EIF4H: variants seen among roughly 807,000 people sequenced by gnomAD.
EIF4H encodes eukaryotic translation initiation factor 4H.
EIF4H carries 8 observed loss-of-function variants against 30.6 expected under a neutral mutation model. The ratio of observed to expected loss-of-function variants is 0.26; its 90% confidence interval spans 0.15 to 0.47. The LOEUF (loss-of-function observed/expected upper bound fraction) is 0.47, where lower values mean the gene tolerates loss of function less well. EIF4H is among the 20% of genes least tolerant of loss of function. EIF4H has a pLI of 0.99. For missense variants in EIF4H, 188 were observed against 339.5 expected (o/e 0.55, Z 3.51); for synonymous variants, 106 against 122.7 (o/e 0.86, Z 0.90).
chr7:74,175,329 A>C lies in EIF4H; in HGVS notation c.59+887A>C, dbSNP rs546173986. On this transcript the variant is annotated intron_variant, in intron 1 of 6. Coordinates refer to ENST00000265753, the MANE Select transcript of EIF4H (RefSeq NM_022170.2). ...CCTCGTTAGAATATAGGCTATGAACATCTTGCTGTTTGTCAAGGACACACT... is the reference window on the plus strand; with the variant it reads ...CCTCGTTAGAATATAGGCTATGAACCTCTTGCTGTTTGTCAAGGACACACT... 5.9e-5 allele frequency among the ~76,000 whole-genome samples: 9 copies of C among 152,282 alleles called. No individual in the cohort carries two copies. The South Asian group carries it at 6.2e-4, about 11-fold the overall frequency.
chr7:74,180,926 A>G (rs1349948830), intron 1 of EIF4H, among the ~76,000 whole-genome samples: 2 of 152,162 alleles, frequency 1.3e-5, no homozygotes, highest in African/African-American at 4.8e-5. Context: ...TTTAATAGAG[A>G]CAGGGTCTCC....
At chr7:74,175,729 T>G (rs1268799823) in intron 1 of EIF4H, among the ~76,000 whole-genome samples, 1 of 152,072 alleles carries the variant, frequency 6.6e-6, no homozygotes, top group African/African-American at 2.4e-5. Flanking sequence ...ACTAGGGTTT[T>G]TTTTTTTTTC....
chr7:74,190,034 G>A (rs1314170995), intron 4 of EIF4H, 116 bp downstream of exon 4: 2 of 1,291,050 alleles, frequency 1.5e-6, no homozygotes, highest in Non-Finnish European at 2.1e-6. Flanking sequence ...AGGTTCTCGT[G>A]AGCTCTTAAA....
rs141344014 is a variant in EIF4H, at chr7:74,187,618, G to A, written c.67G>A (p.Gly23Ser). The A allele has an allele frequency of 1.7e-5, 27 of 1,600,262 alleles. No individual in the cohort carries two copies. The highest frequency in any genetic ancestry group is 8.5e-5 in the Admixed American group (5 of 58,922). The stretch of plus-strand genomic sequence containing the variant: ...GTTTGTCTCCCCTCCTAGGTCCCGC[G>A]GCAGTGCTGGTGGCCATGGTTCCCG... The part of the protein sequence containing the change: ...SSFGGGRGSR[G>S]SAGGHGSRSQ... Residue 23 changes from glycine to serine, a missense_variant, in exon 2 of 7, where the codon GGC becomes AGC. By Grantham distance (56) the Gly-to-Ser change is moderately conservative. This residue lies in a region of EIF4H where 43 missense variants were observed against 43.4 expected (regional missense o/e 0.99). Coordinates refer to ENST00000265753, the MANE Select transcript of EIF4H (RefSeq NM_022170.2).
chr7:74,191,569 G>A (rs1287140333), intron 5 of EIF4H, among the ~76,000 whole-genome samples: 16 of 152,102 alleles, frequency 1.1e-4, no homozygotes, highest in Admixed American at 5.2e-4. Context: ...CGTTATTTGC[G>A]AGAGTAGATC....
At chr7:74,191,769 C>A (rs896650026) in intron 5 of EIF4H, among the ~76,000 whole-genome samples, 3 of 152,054 alleles carry the variant, frequency 2.0e-5, no homozygotes, top group Non-Finnish European at 4.4e-5. Flanking sequence ...TAGAAACCCA[C>A]CAACAGATTT....
rs1801164802 is a variant in EIF4H, at chr7:74,189,907, C to T, written c.398C>T (p.Pro133Leu). The change falls in exon 4 of 7, where the codon CCA (proline) becomes CTA (leucine). Residue 133 changes from proline (P) to leucine (L), a missense_variant. Transcript: ENST00000265753. ...GGCTTTGGATTCAGAAAAGGTGGAC[C>T]AGATGACAGAGGTGATTGGTTCTTC... ...KGGFGFRKGG[P>L]DDRGMGSSRE... 1 of 1,614,076 alleles carries T rather than the reference C, an allele frequency of 6.2e-7. No homozygotes were observed. The highest frequency in any genetic ancestry group is 8.5e-7 in the Non-Finnish European group (1 of 1,180,030).
chr7:74,182,765 A>G (rs1584177196), intron 1 of EIF4H, among the ~76,000 whole-genome samples: 1 of 151,572 alleles, frequency 6.6e-6, no homozygotes, highest in East Asian at 1.9e-4. Context: ...CATAACATCT[A>G]CTCTGTACAT....
intron 1 of EIF4H, among the ~76,000 whole-genome samples, chr7:74,183,163 C>G (rs782220200): frequency 1.3e-5 from 2 of 152,144 alleles, no homozygotes; most frequent in Non-Finnish European, 2.9e-5. Context: ...CACTTGGAGC[C>G]GAAAGTAGGG....
Position 74,196,585 on chromosome 7 carries a change from AGTCT to A in EIF4H, c.*1281_*1284del, listed in dbSNP as rs1200105490. Reference sequence around the variant, plus strand: ...AAAAATCCTTCAGTACCCAAGTCCCAGTCTGTCCTATGGGGAGCAGTTTGGGGGC... The same window carrying A: ...AAAAATCCTTCAGTACCCAAGTCCCAGTCCTATGGGGAGCAGTTTGGGGGC... On this transcript the variant is annotated 3_prime_UTR_variant, in exon 7 of 7. Transcript: ENST00000265753. 6.6e-6 allele frequency: 1 copy of A among 151,876 alleles called. No individual in the cohort carries two copies. Among genetic ancestry groups the A allele is most frequent in the Non-Finnish European group, 1.5e-5 (1 of 67,976 alleles). The allele number at this position is 151,876 out of a possible 1,614,324, so 9.4% of individuals were successfully genotyped here.
chr7:74,193,250 C>G (rs1801265376), intron 5 of EIF4H, among the ~76,000 whole-genome samples: 1 of 152,200 alleles, frequency 6.6e-6, no homozygotes, highest in Non-Finnish European at 1.5e-5. Flanking sequence ...ACCCGACACT[C>G]ATCGTGAAAA....
At chr7:74,176,576 G>A (rs150880) in intron 1 of EIF4H, among the ~76,000 whole-genome samples, 142,785 of 152,290 alleles carry the variant, frequency 0.94, 66,982 homozygotes, top group Non-Finnish European at 0.95. Flanking sequence ...TCTCACCTCT[G>A]AATTACTTGG....
rs1403484370 is a variant in EIF4H, at chr7:74,195,342, T to G, written c.*34T>G. 6.9e-6 allele frequency: 11 copies of G among 1,599,000 alleles called. No individual in the cohort carries two copies. Among genetic ancestry groups the G allele is most frequent in the East Asian group, 6.7e-5 (3 of 44,706 alleles). On this transcript the variant is annotated 3_prime_UTR_variant, in exon 7 of 7. Transcript: ENST00000265753. ...TTGGGAGGGAATGGGGCGTGGGGGG[T>G]TAGAGCAGGACCACAGCCTGGTGAG...
intron 5 of EIF4H, among the ~76,000 whole-genome samples, chr7:74,191,817 T>C (rs1234207677): frequency 6.6e-6 from 1 of 152,184 alleles, no homozygotes; most frequent in African/African-American, 2.4e-5. Flanking sequence ...TCTTGCTCTG[T>C]TGCCCAGGCT....
intron 1 of EIF4H, among the ~76,000 whole-genome samples, chr7:74,184,750 A>G (rs538175591): frequency 6.6e-6 from 1 of 152,062 alleles, no homozygotes; most frequent in African/African-American, 2.4e-5. Context: ...TCTGTAGCCC[A>G]GGCTGAAGCG....
At position 74,187,498 on chromosome 7, in the gene EIF4H, G is replaced by A. The variant is rs1431201546; in HGVS notation, c.60-113G>A. ...CTCTGTAACAGTCTTGTGGTACATC[G>A]AGCAGAGTGCCTCACCTGGGGCGCT... On this transcript the variant is annotated intron_variant, in intron 1 of 6. Transcript: ENST00000265753. 32 of 1,102,070 alleles carry A rather than the reference G, an allele frequency of 2.9e-5. No individual in the cohort carries two copies. In the South Asian group the frequency reaches 3.4e-4, roughly 12 times the overall value. 68.3% of individuals were successfully genotyped at this position (1,102,070 alleles called of 1,614,324 possible).
intron 2 of EIF4H, among the ~76,000 whole-genome samples, chr7:74,188,790 G>C (rs781819370): frequency 5.3e-5 from 8 of 151,968 alleles, no homozygotes; most frequent in Non-Finnish European, 1.2e-4. Flanking sequence ...GATGAGATTG[G>C]GTGTCTGTTG....
rs1252910799 is a variant in EIF4H, at chr7:74,187,740, G to A, written c.189G>A (p.Lys63=). The change falls in exon 2 of 7, where the codon AAG becomes AAA. Residue 63 remains lysine, a synonymous_variant. Coordinates refer to ENST00000265753, the MANE Select transcript of EIF4H (RefSeq NM_022170.2). The stretch of plus-strand genomic sequence containing the variant: ...AGGGCGACATAGATGCTATCTTTAA[G>A]GATCTCAGCATAAGGAGTGTACGGC... ...TVQGDIDAIF[K]DLSIRSVRLV... 6.2e-7 allele frequency: 1 copy of A among 1,613,746 alleles called. No homozygotes were observed. Among genetic ancestry groups the A allele is most frequent in the Non-Finnish European group, 8.5e-7 (1 of 1,179,884 alleles).
At chr7:74,183,449 G>C (rs1801010852) in intron 1 of EIF4H, among the ~76,000 whole-genome samples, 1 of 152,182 alleles carries the variant, frequency 6.6e-6, no homozygotes, top group East Asian at 1.9e-4. Flanking sequence ...TTTATGGTCA[G>C]TTTTAAACTT....
Sources: gnomAD v4.1 joint callset for allele counts (sites outside exome capture counted in the v4.1 genomes callset) on GRCh38, gnomAD v4.1.1 for gene constraint, gnomAD v4.1.1 regional missense constraint, MANE v1.5 for transcripts, NCBI Gene and HGNC (gene_info 2026-07-23, HGNC 2026-07-21) for gene names.